C10orf90: variants seen among roughly 807,000 people sequenced by gnomAD.
The protein encoded by C10orf90 is chromosome 10 open reading frame 90, also known as (E2-independent) E3 ubiquitin-conjugating enzyme FATS.
In C10orf90, 56 loss-of-function variants were observed where a neutral mutation model predicts 62.5. The ratio of observed to expected loss-of-function variants is 0.90; its 90% CI spans 0.72 to 1.12. The LOEUF is 1.12. Ranked by LOEUF, C10orf90 falls within the 50% of genes most tolerant of loss-of-function variation. C10orf90 has a pLI of 0.00. For missense variants in C10orf90, 970 were observed against 880.4 expected (o/e 1.10, Z -1.29); for synonymous variants, 386 against 340.4 (o/e 1.13, Z -1.47).
At chr10:126,630,942 C>G (rs79218885) in intron 2 of C10orf90, among the ~76,000 whole-genome samples, 1 of 152,272 alleles carries the variant, frequency 6.6e-6, no homozygotes, top group African/African-American at 2.4e-5. Flanking sequence ...TTCACTCCTG[C>G]CCTCCTTCAT....
chr10:126,523,998 C>G (rs538862827), intron 2 of C10orf90, among the ~76,000 whole-genome samples: 29 of 152,314 alleles, frequency 1.9e-4, no homozygotes, highest in African/African-American at 6.7e-4. Flanking sequence ...CACCGCTTAG[C>G]TATTACAAAT....
intron 2 of C10orf90, among the ~76,000 whole-genome samples, chr10:126,611,946 T>C (rs942368215): frequency 1.3e-5 from 2 of 152,258 alleles, no homozygotes; most frequent in African/African-American, 4.8e-5. Flanking sequence ...TGTGTGACTA[T>C]TAAACTTTAA....
At chr10:126,465,649 T>TGCATA (rs1860244964) in intron 4 of C10orf90, among the ~76,000 whole-genome samples, 1 of 152,164 alleles carries the variant, frequency 6.6e-6, no homozygotes, top group Non-Finnish European at 1.5e-5. Flanking sequence ...CGGGTCAACG[T>TGCATA]GCATAGCTCT....
intron 1 of C10orf90, among the ~76,000 whole-genome samples, chr10:126,666,219 A>AT (rs1194031335): frequency 2.0e-5 from 3 of 152,144 alleles, no homozygotes; most frequent in Non-Finnish European, 4.4e-5. Flanking sequence ...CACCAGTAGC[A>AT]TTTTCCCCAA....
At chr10:126,502,036 A>G in intron 4 of C10orf90, among the ~76,000 whole-genome samples, 1 of 141,950 alleles carries the variant, frequency 7.0e-6, no homozygotes, top group East Asian at 2.1e-4. Context: ...ACACCACACA[A>G]CCACACACCC....
chr10:126,595,248 C>T (rs1845061093), intron 2 of C10orf90, among the ~76,000 whole-genome samples: 1 of 152,084 alleles, frequency 6.6e-6, no homozygotes, highest in Non-Finnish European at 1.5e-5. Context: ...TGTCAGGTCA[C>T]ATTTCAGAAA....
chr10:126,523,882 G>A (rs1863853947), intron 2 of C10orf90, among the ~76,000 whole-genome samples: 1 of 152,160 alleles, frequency 6.6e-6, no homozygotes, highest in South Asian at 2.1e-4. Flanking sequence ...GTTCATCCGT[G>A]TTGTAGCATG....
intron 2 of C10orf90, among the ~76,000 whole-genome samples, chr10:126,619,634 C>A (rs949535033): frequency 6.6e-6 from 1 of 151,858 alleles, no homozygotes; most frequent in African/African-American, 2.4e-5. Flanking sequence ...TTGTTTTTTT[C>A]TTTTTCATTT....
chr10:126,483,709 C>T (rs1031801291), intron 4 of C10orf90, among the ~76,000 whole-genome samples: 1 of 152,240 alleles, frequency 6.6e-6, no homozygotes, highest in African/African-American at 2.4e-5. Context: ...CAACCAGATG[C>T]AGGTATTGTC....
intron 2 of C10orf90, among the ~76,000 whole-genome samples, chr10:126,641,813 C>T (rs1846063991): frequency 6.6e-6 from 1 of 152,062 alleles, no homozygotes; most frequent in African/African-American, 2.4e-5. Context: ...TGTTCAGATC[C>T]TATTAATCAT....
chr10:126,533,196 A>G (rs986040599), intron 2 of C10orf90, among the ~76,000 whole-genome samples: 3 of 151,998 alleles, frequency 2.0e-5, no homozygotes, highest in Non-Finnish European at 4.4e-5. Context: ...GGCCTCCCAA[A>G]GTGCTGGGAT....
At chr10:126,626,254 C>T (rs1227738373) in intron 2 of C10orf90, among the ~76,000 whole-genome samples, 1 of 152,118 alleles carries the variant, frequency 6.6e-6, no homozygotes, top group Non-Finnish European at 1.5e-5. Flanking sequence ...CCATTGCCTC[C>T]ACTGCTCTGT....
intron 4 of C10orf90, among the ~76,000 whole-genome samples, chr10:126,476,250 TCTG>T (rs1324283756): frequency 6.6e-6 from 1 of 152,190 alleles, no homozygotes; most frequent in African/African-American, 2.4e-5. Flanking sequence ...ACATCATCTC[TCTG>T]GTTTTCTCAG....
chr10:126,438,197 T>C (rs1034470508), intron 7 of C10orf90, among the ~76,000 whole-genome samples: 2 of 152,156 alleles, frequency 1.3e-5, no homozygotes, highest in African/African-American at 4.8e-5. Context: ...CCAACCCTAC[T>C]GCCCAGAGGA....
In C10orf90 at chr10:126,670,505, G is replaced by A. The variant is rs1846729210; in HGVS notation, c.-25C>T. 2.2e-6 allele frequency: 1 copy of A among 454,514 alleles called. No homozygotes were observed. Among genetic ancestry groups the A allele is most frequent in the Non-Finnish European group, 4.4e-6 (1 of 225,760 alleles). 28.2% of individuals were successfully genotyped at this position (454,514 alleles called of 1,614,324 possible). A position where few individuals can be genotyped will look rare whatever the true frequency, so the allele number is the denominator to read the frequency against. On this transcript the variant is annotated 5_prime_UTR_variant, in exon 1 of 10. Coordinates refer to ENST00000488181, the MANE Select transcript of C10orf90 (RefSeq NM_001350921.2). ...TGAGACTCAGTATCTTGTGACTTTA[G>A]CTAGTGAGACTGGCAAACACAATTT...
At chr10:126,467,785 C>G (rs769770273) in intron 4 of C10orf90, among the ~76,000 whole-genome samples, 1 of 152,098 alleles carries the variant, frequency 6.6e-6, no homozygotes, top group African/African-American at 2.4e-5. Context: ...AATATTCTGC[C>G]CAACAGTTGT....
chr10:126,524,537 C>T, intron 2 of C10orf90: 1 of 739,780 alleles, frequency 1.4e-6, no homozygotes, highest in Non-Finnish European at 1.7e-6. Flanking sequence ...GCTTAGGCAG[C>T]AAGAAGGTGC....
At chr10:126,546,264 G>A (rs1339564275) in intron 2 of C10orf90, among the ~76,000 whole-genome samples, 2 of 152,202 alleles carry the variant, frequency 1.3e-5, no homozygotes, top group East Asian at 1.9e-4. Context: ...AGGCCAGCAT[G>A]CCTCCACACT....
chr10:126,570,125 C>A (rs1463798386), intron 2 of C10orf90, among the ~76,000 whole-genome samples: 1 of 152,186 alleles, frequency 6.6e-6, no homozygotes, highest in African/African-American at 2.4e-5. Context: ...CTGCGCTGAT[C>A]GTATTCTCCC....
Sources: allele counts gnomAD v4.1 joint callset (sites outside exome capture counted in the v4.1 genomes callset), GRCh38; gene constraint gnomAD v4.1.1; transcripts MANE v1.5; gene names NCBI Gene and HGNC (gene_info 2026-07-23, HGNC 2026-07-21).